The following SLC26A4 variants were observed in gnomAD, a reference collection of about 807,000 sequenced individuals.
SLC26A4 encodes the protein pendrin.
Under a neutral mutation model 90.4 loss-of-function variants are expected in SLC26A4, and 93 were observed. The ratio of observed to expected loss-of-function variants is 1.03; its 90% CI spans 0.87 to 1.22. The LOEUF is 1.22. Ranked by LOEUF, SLC26A4 falls within the 50% of genes most tolerant of loss-of-function variation. The pLI is 0.00. For missense variants in SLC26A4, 1,127 were observed against 946.2 expected, an observed-to-expected ratio of 1.19 and a Z score of -2.51; for synonymous variants, 393 against 354.6, an observed-to-expected ratio of 1.11 and a Z score of -1.22.
At chr7:107,703,840 G>A (rs118088444) in intron 17 of SLC26A4, among the ~76,000 whole-genome samples, 2 of 152,104 alleles carry the variant, frequency 1.3e-5, no homozygotes, top group Non-Finnish European at 2.9e-5. Flanking sequence ...TTCACATGTA[G>A]TTGTAAGGAA....
rs1042367218 is a variant in SLC26A4 at position 107,677,440 on chromosome 7, TTTA to T, written c.765+2345_765+2347del. Among the ~76,000 whole-genome samples, 4 of 151,932 alleles carry T rather than the reference TTTA, an allele frequency of 2.6e-5. No homozygotes were observed. In the East Asian group the frequency reaches 5.8e-4, roughly 22 times the overall value. On this transcript the variant is annotated intron_variant, in intron 6 of 20. Coordinates refer to ENST00000644269, the MANE Select transcript of SLC26A4 (RefSeq NM_000441.2). ...TATCTGTCACATAGTAAGAATTGAGTTTATTATTATTATTATCACAGATGAATA... is the reference window on the plus strand; with the variant it reads ...TATCTGTCACATAGTAAGAATTGAGTTTATTATTATTATCACAGATGAATA...
intron 6 of SLC26A4, among the ~76,000 whole-genome samples, chr7:107,679,160 A>G (rs1791106265): frequency 6.6e-6 from 1 of 152,222 alleles, no homozygotes; most frequent in Non-Finnish European, 1.5e-5. Context: ...TGATGCTACC[A>G]TGTAGCTACT....
intron 18 of SLC26A4, among the ~76,000 whole-genome samples, chr7:107,709,121 T>C (rs1313188006): frequency 6.6e-6 from 1 of 152,172 alleles, no homozygotes; most frequent in Non-Finnish European, 1.5e-5. Flanking sequence ...AAGTCCAGCG[T>C]AGATCCCTGA....
intron 8 of SLC26A4, 107 bp downstream of exon 8, chr7:107,683,644 A>G (rs1791317272): frequency 1.2e-6 from 1 of 839,682 alleles, no homozygotes; most frequent in Non-Finnish European, 1.9e-6. Flanking sequence ...ATACTCCTTC[A>G]ATAGTCCTAT....
chr7:107,708,144 G>A (rs1792079141), intron 18 of SLC26A4, among the ~76,000 whole-genome samples: 1 of 152,108 alleles, frequency 6.6e-6, no homozygotes, highest in African/African-American at 2.4e-5. Flanking sequence ...CCTTCCATCA[G>A]TGTACTTTAA....
At chr7:107,679,859 A>C (rs868578418) in intron 6 of SLC26A4, among the ~76,000 whole-genome samples, 709 of 64,642 alleles carry the variant, frequency 0.011, 28 homozygotes, top group African/African-American at 0.086. Context: ...ATATTATTAT[A>C]TTATATAATC....
intron 6 of SLC26A4, among the ~76,000 whole-genome samples, chr7:107,679,987 TA>T (rs1179006694): frequency 1.5e-5 from 2 of 136,458 alleles, no homozygotes; most frequent in Non-Finnish European, 3.1e-5. Flanking sequence ...AATCTTATTA[TA>T]TAATATAATC....
At chr7:107,691,514 TACACACACAC>T (rs113976786) in intron 10 of SLC26A4, among the ~76,000 whole-genome samples, 22 of 131,044 alleles carry the variant, frequency 1.7e-4, no homozygotes, top group African/African-American at 4.6e-4. Flanking sequence ...AATATATATA[TACACACACAC>T]ACACACACAC....
In SLC26A4 at chr7:107,675,275, C is replaced by A. The variant is rs1432046493; in HGVS notation, c.765+166C>A. 2.6e-5 allele frequency among the ~76,000 whole-genome samples: 3 copies of A among 116,128 alleles called. No homozygotes were observed. The Admixed American group carries it at 3.1e-4, about 12-fold the overall frequency. 76.2% of individuals were successfully genotyped at this position (116,128 alleles called of 152,430 possible). ...GAGCCCAGGAGTTTGAGACGTGAGA[C>A]CTCATCTCTTAAAAAAAAAAAAAAA... On this transcript the variant is annotated intron_variant, in intron 6 of 20. Transcript: ENST00000644269.
chr7:107,706,527 T>C (rs184786932), intron 18 of SLC26A4, among the ~76,000 whole-genome samples: 60 of 152,370 alleles, frequency 3.9e-4, no homozygotes, highest in African/African-American at 1.4e-3. Flanking sequence ...AACGTCTTGA[T>C]GCTATGAAGT....
chr7:107,663,468 C>T (rs1790625490), intron 3 of SLC26A4, 33 bp downstream of exon 3: 1 of 1,612,972 alleles, frequency 6.2e-7, no homozygotes, highest in Non-Finnish European at 8.5e-7. Context: ...GTTCTGGTCT[C>T]CAGCAGGAGT....
chr7:107,710,606 CA>C (rs1445711000), intron 19 of SLC26A4, among the ~76,000 whole-genome samples: 1 of 152,102 alleles, frequency 6.6e-6, no homozygotes, highest in Non-Finnish European at 1.5e-5. Context: ...CAGGATCCAC[CA>C]GGCCATAAGT....
intron 8 of SLC26A4, among the ~76,000 whole-genome samples, chr7:107,687,480 CT>C (rs1477400489): frequency 6.6e-6 from 1 of 152,160 alleles, no homozygotes; most frequent in Non-Finnish European, 1.5e-5. Flanking sequence ...TAATTACTTA[CT>C]TACACAAGTG....
chr7:107,679,965 A>ATTATATAATCTTATC lies in SLC26A4; in HGVS notation c.766-3228_766-3227insCTTATCTTATATAAT, dbSNP rs1562826980. On this transcript the variant is annotated intron_variant, in intron 6 of 20. Coordinates refer to ENST00000644269, the MANE Select transcript of SLC26A4 (RefSeq NM_000441.2). ...ATCTTATCTTATATAATATAATCTT[A>ATTATATAATCTTATC]TTATATAATATAATCTTATTATATA... is the stretch of plus-strand genomic sequence containing the variant. Among the ~76,000 whole-genome samples the ATTATATAATCTTATC allele has an allele frequency of 2.1e-4, 26 of 122,882 alleles. 1 individual carries two copies. The highest frequency in any genetic ancestry group is 8.2e-4 in the African/African-American group (23 of 28,096). 80.6% of individuals were successfully genotyped at this position (122,882 alleles called of 152,430 possible). A position where few individuals can be genotyped will look rare whatever the true frequency, so the allele number is the denominator to read the frequency against.
chr7:107,668,534 G>A (rs747852558), intron 3 of SLC26A4, among the ~76,000 whole-genome samples: 12 of 152,172 alleles, frequency 7.9e-5, no homozygotes, highest in Non-Finnish European at 1.5e-4. Flanking sequence ...ACAACTCCGA[G>A]AAGACCAGCT....
chr7:107,704,348 A>G lies in SLC26A4; in HGVS notation c.2052A>G (p.Gln684=), dbSNP rs1449263295. Residue 684 remains glutamine, a synonymous_variant, in exon 18 of 21, where the codon CAA becomes CAG. Coordinates refer to ENST00000644269, the MANE Select transcript of SLC26A4 (RefSeq NM_000441.2). ...ATTTTTAGATTGTCAAAGAATTCCA[A>G]AGAATTGATGTGAATGTGTATTTTG... The part of the protein sequence containing the change: ...RSLRVIVKEF[Q]RIDVNVYFAS... 3 of 1,392,000 alleles carry G rather than the reference A, an allele frequency of 2.2e-6. No homozygotes were observed. Among genetic ancestry groups the G allele is most frequent in the Admixed American group, 1.7e-5 (1 of 58,838 alleles). 86.2% of individuals were successfully genotyped at this position (1,392,000 alleles called of 1,614,324 possible). A position where few individuals can be genotyped will look rare whatever the true frequency, so the allele number is the denominator to read the frequency against.
At chr7:107,702,313 T>G (rs2129318379) in intron 17 of SLC26A4, among the ~76,000 whole-genome samples, 1 of 152,302 alleles carries the variant, frequency 6.6e-6, no homozygotes, top group South Asian at 2.1e-4. Flanking sequence ...TTTCTTCATC[T>G]GTAATATGGA....
rs1420759008 is a variant in SLC26A4, at chr7:107,689,032, T to G, written c.1002-21T>G. 3 of 1,613,534 alleles carry G rather than the reference T, an allele frequency of 1.9e-6. No homozygotes were observed. In the African/African-American group the frequency reaches 4.0e-5, roughly 22 times the overall value. On this transcript the variant is annotated intron_variant, in intron 8 of 20. Transcript: ENST00000644269. ...ATGGTGGTCAAATCTTCACAGCATT[T>G]TTCACTTAAAAACTCACTAGGTTTT...
At chr7:107,696,908 C>A (rs1024312217) in intron 13 of SLC26A4, among the ~76,000 whole-genome samples, 8 of 152,178 alleles carry the variant, frequency 5.3e-5, no homozygotes, top group Non-Finnish European at 1.2e-4. Flanking sequence ...AAGAAGAAGA[C>A]ACCTGGAAAA....
Sources: gnomAD v4.1 joint callset for allele counts (sites outside exome capture counted in the v4.1 genomes callset) on GRCh38, gnomAD v4.1.1 for gene constraint, MANE v1.5 for transcripts, NCBI Gene and HGNC (gene_info 2026-07-23, HGNC 2026-07-21) for gene names.